Variants in OPRD1 observed in about 807,000 individuals in gnomAD.
OPRD1 encodes opioid receptor delta 1, also known as delta-type opioid receptor.
In OPRD1, 19 loss-of-function variants were observed where a neutral mutation model predicts 17.5. That is an observed-to-expected ratio of 1.09 (90% confidence interval 0.76 to 1.60). The LOEUF is 1.60. Among genes scored for constraint, OPRD1 ranks in the 40% most tolerant of loss-of-function variants. OPRD1 has a pLI of 0.00. For synonymous variants in OPRD1, 256 were observed against 240.9 expected (o/e 1.06, Z -0.58); for missense variants, 483 against 547.2 (o/e 0.88, Z 1.17).
At chr1:28,820,604 T>A (rs1251687546) in intron 1 of OPRD1, among the ~76,000 whole-genome samples, 1 of 151,972 alleles carries the variant, frequency 6.6e-6, no homozygotes, top group African/African-American at 2.4e-5. Context: ...AGCAGGAGGA[T>A]CACTGGAGTC....
chr1:28,827,037 G>A (rs1225918608), intron 1 of OPRD1, among the ~76,000 whole-genome samples: 3 of 152,218 alleles, frequency 2.0e-5, no homozygotes, highest in African/African-American at 4.8e-5. Flanking sequence ...GCTTACGCCT[G>A]TAATTCCAGC....
At chr1:28,837,327 C>T (rs2088861164) in intron 1 of OPRD1, among the ~76,000 whole-genome samples, 1 of 152,000 alleles carries the variant, frequency 6.6e-6, no homozygotes. Context: ...CCACTGCTCA[C>T]CTCCTGCTCT....
At chr1:28,838,918 A>C (rs1433164876) in intron 1 of OPRD1, among the ~76,000 whole-genome samples, 1 of 152,070 alleles carries the variant, frequency 6.6e-6, no homozygotes, top group Non-Finnish European at 1.5e-5. Context: ...TTGTTGTAAG[A>C]GATGGGATCT....
In OPRD1 at chr1:28,864,075, G is replaced by C. The variant is rs1057250803; in HGVS notation, c.*792G>C. The stretch of plus-strand genomic sequence containing the variant: ...ACATGAGCCCAGGAGTTCGAGACTA[G>C]TCTGGGCAACATGGGAGACCCTGTC... On this transcript the variant is annotated 3_prime_UTR_variant, in exon 3 of 3. Transcript: ENST00000234961. 11 of 152,530 alleles carry C rather than the reference G, an allele frequency of 7.2e-5. No homozygotes were observed. Among genetic ancestry groups the C allele is most frequent in the African/African-American group, 2.6e-4 (11 of 41,566 alleles). The allele number at this position is 152,530 out of a possible 1,614,324, so 9.4% of individuals were successfully genotyped here.
intron 1 of OPRD1, among the ~76,000 whole-genome samples, chr1:28,844,202 G>A (rs2088920516): frequency 6.7e-6 from 1 of 148,506 alleles, no homozygotes; most frequent in South Asian, 2.1e-4. Flanking sequence ...TAGGTGTGAA[G>A]TGGTATCTCA....
chr1:28,814,207 A>G (rs1488278957), intron 1 of OPRD1, among the ~76,000 whole-genome samples: 1 of 152,162 alleles, frequency 6.6e-6, no homozygotes, highest in South Asian at 2.1e-4. Flanking sequence ...CCGGCCTGGT[A>G]TGAATCCCTG....
intron 1 of OPRD1, among the ~76,000 whole-genome samples, chr1:28,842,957 A>G (rs902208942): frequency 7.2e-6 from 1 of 138,146 alleles, no homozygotes; most frequent in African/African-American, 2.8e-5. Flanking sequence ...CTGTAGTCCT[A>G]GCTACTTGGG....
In OPRD1 at chr1:28,859,209, G is replaced by T; in HGVS notation, c.483G>T (p.Thr161=). 1 of 1,614,252 alleles carries T rather than the reference G, an allele frequency of 6.2e-7. No individual in the cohort carries two copies. The highest frequency in any genetic ancestry group is 8.5e-7 in the Non-Finnish European group (1 of 1,180,046). ...CHPVKALDFR[T]PAKAKLINIC... ...CTGTCAAGGCCCTGGACTTCCGCAC[G>T]CCTGCCAAGGCCAAGCTGATCAACA... The change falls in exon 2 of 3, where the codon ACG becomes ACT. Residue 161 remains threonine, a synonymous_variant. Transcript: ENST00000234961.
chr1:28,814,368 C>G (rs1293066425), intron 1 of OPRD1, among the ~76,000 whole-genome samples: 1 of 152,144 alleles, frequency 6.6e-6, no homozygotes, highest in Non-Finnish European at 1.5e-5. Flanking sequence ...ACTGGCCTGG[C>G]GCCTGGACCC....
At chr1:28,847,412 C>G (rs1483875293) in intron 1 of OPRD1, among the ~76,000 whole-genome samples, 4 of 152,126 alleles carry the variant, frequency 2.6e-5, no homozygotes, top group African/African-American at 9.7e-5. Flanking sequence ...GGGCAGAGGT[C>G]CAGCCCAAAT....
At chr1:28,840,388 G>A (rs943637841) in intron 1 of OPRD1, among the ~76,000 whole-genome samples, 84 of 152,166 alleles carry the variant, frequency 5.5e-4, no homozygotes, top group African/African-American at 1.9e-3. Context: ...CGAGTAGCTG[G>A]GATTACAGGC....
intron 1 of OPRD1, among the ~76,000 whole-genome samples, chr1:28,821,766 A>T (rs906348483): frequency 2.0e-5 from 3 of 151,868 alleles, no homozygotes; most frequent in Non-Finnish European, 4.4e-5. Context: ...CTGCCCGGGC[A>T]TGGTGGCTCA....
chr1:28,839,354 A>G (rs1376642530), intron 1 of OPRD1, among the ~76,000 whole-genome samples: 1 of 152,178 alleles, frequency 6.6e-6, no homozygotes, highest in Non-Finnish European at 1.5e-5. Flanking sequence ...TGCTGGAGTT[A>G]GAGTCCCCCT....
At chr1:28,830,517 C>G (rs2088800656) in intron 1 of OPRD1, among the ~76,000 whole-genome samples, 1 of 151,314 alleles carries the variant, frequency 6.6e-6, no homozygotes, top group East Asian at 1.9e-4. Context: ...GAGTGAGGAC[C>G]CAGTCAAAAA....
chr1:28,823,260 G>A (rs2088731509), intron 1 of OPRD1, among the ~76,000 whole-genome samples: 1 of 145,106 alleles, frequency 6.9e-6, no homozygotes, highest in Non-Finnish European at 1.5e-5. Flanking sequence ...GCAATGGTGC[G>A]ATCTCGGCTC....
chr1:28,812,469 G>C lies in OPRD1; in HGVS notation c.86G>C (p.Ser29Thr), dbSNP rs1235591100. 19 of 1,532,386 alleles carry C rather than the reference G, an allele frequency of 1.2e-5. No individual in the cohort carries two copies. In the Middle Eastern group the frequency reaches 2.4e-3, roughly 197 times the overall value. 94.9% of individuals were successfully genotyped at this position (1,532,386 alleles called of 1,614,324 possible). ...GACGCCTACCCTAGCGCCTGCCCCA[G>C]CGCTGGCGCCAATGCGTCGGGGCCG... ...ASDAYPSACPSAGANASGPPG... is the reference protein window; with the variant it reads ...ASDAYPSACPTAGANASGPPG... Residue 29 changes from serine to threonine, a missense_variant, in exon 1 of 3, where the codon AGC becomes ACC. Ser to Thr is a moderately conservative substitution (Grantham distance 58). Transcript: ENST00000234961.
intron 1 of OPRD1, among the ~76,000 whole-genome samples, chr1:28,827,065 T>C (rs972473539): frequency 2.0e-5 from 3 of 152,138 alleles, no homozygotes; most frequent in Non-Finnish European, 2.9e-5. Flanking sequence ...GAGGCCAAGG[T>C]GGGCAGATCC....
intron 1 of OPRD1, among the ~76,000 whole-genome samples, chr1:28,832,629 A>G (rs994874507): frequency 1.4e-4 from 21 of 148,100 alleles, no homozygotes; most frequent in Admixed American, 1.3e-4. Flanking sequence ...AAAAAAAAAA[A>G]GTAACATACA....
intron 1 of OPRD1, among the ~76,000 whole-genome samples, chr1:28,841,177 C>T (rs763537826): frequency 2.6e-5 from 4 of 152,220 alleles, no homozygotes; most frequent in Admixed American, 6.5e-5. Context: ...GCCCCACATT[C>T]GTGCCTGTGA....
Sources: gnomAD v4.1 joint callset for allele counts (sites outside exome capture counted in the v4.1 genomes callset) on GRCh38, gnomAD v4.1.1 for gene constraint, MANE v1.5 for transcripts, NCBI Gene and HGNC (gene_info 2026-07-23, HGNC 2026-07-21) for gene names.